Variants in LMO1 observed in about 807,000 individuals in gnomAD.
LMO1 encodes rhombotin-1.
A neutral mutation model predicts 18.0 loss-of-function variants in LMO1; 10 were observed. The ratio of observed to expected loss-of-function variants is 0.55; its 90% CI spans 0.34 to 0.94. The LOEUF is 0.94. Ranked by LOEUF, LMO1 falls within the 40% of genes least tolerant of loss-of-function variation. LMO1 has a pLI of 0.02. For synonymous variants in LMO1, 77 were observed against 77.9 expected (o/e 0.99, Z 0.06); for missense variants, 183 against 205.7 (o/e 0.89, Z 0.68).
At chr11:8,242,400 C>G (rs1180846856) in intron 1 of LMO1, among the ~76,000 whole-genome samples, 1 of 152,212 alleles carries the variant, frequency 6.6e-6, no homozygotes, top group Non-Finnish European at 1.5e-5. Context: ...CTCCCCAGCT[C>G]CCTGCCTGAG....
At chr11:8,261,108 G>A (rs1034418553) in intron 1 of LMO1, among the ~76,000 whole-genome samples, 2 of 152,132 alleles carry the variant, frequency 1.3e-5, no homozygotes, top group South Asian at 2.1e-4. Context: ...CAGAAACGTC[G>A]CTTTTGAAAG....
At chr11:8,258,903 G>T (rs774290858) in intron 1 of LMO1, among the ~76,000 whole-genome samples, 1 of 152,212 alleles carries the variant, frequency 6.6e-6, no homozygotes, top group Non-Finnish European at 1.5e-5. Flanking sequence ...TAGGCGAGCA[G>T]CGGCCAGTGA....
At chr11:8,260,211 G>C (rs1259182176) in intron 1 of LMO1, among the ~76,000 whole-genome samples, 1 of 152,190 alleles carries the variant, frequency 6.6e-6, no homozygotes, top group African/African-American at 2.4e-5. Flanking sequence ...GGGCTCATTT[G>C]ACTTGGGTAG....
upstream of LMO1, among the ~76,000 whole-genome samples, chr11:8,264,089 G>A (rs941293405): frequency 7.9e-5 from 12 of 151,902 alleles, no homozygotes; most frequent in Non-Finnish European, 1.8e-4. Context: ...GTCACTCCCA[G>A]ACCCTCAGCC....
At chr11:8,249,258 G>A (rs1846947215) in intron 1 of LMO1, among the ~76,000 whole-genome samples, 1 of 152,124 alleles carries the variant, frequency 6.6e-6, no homozygotes, top group Admixed American at 6.6e-5. Context: ...GCGAGCTCTG[G>A]ACGAAACTGA....
intron 1 of LMO1, among the ~76,000 whole-genome samples, chr11:8,260,889 G>C (rs1847175169): frequency 6.6e-6 from 1 of 152,100 alleles, no homozygotes; most frequent in Non-Finnish European, 1.5e-5. Flanking sequence ...GGAGCCGGGG[G>C]GTGGGGGAAT....
At chr11:8,227,144 G>A (rs988877993) in intron 2 of LMO1, 44 bp from the exon 3 acceptor site, 3 of 1,586,248 alleles carry the variant, frequency 1.9e-6, no homozygotes, top group South Asian at 1.1e-5. Flanking sequence ...ATTCTGGGAA[G>A]CTGGGTGGGC....
At chr11:8,259,306 G>A (rs1389926811) in intron 1 of LMO1, among the ~76,000 whole-genome samples, 1 of 152,172 alleles carries the variant, frequency 6.6e-6, no homozygotes, top group Non-Finnish European at 1.5e-5. Flanking sequence ...TTCACCCAAG[G>A]CTCGGGTGTG....
chr11:8,266,642 C>T (rs917160546), upstream of LMO1, among the ~76,000 whole-genome samples: 6 of 152,222 alleles, frequency 3.9e-5, no homozygotes, highest in African/African-American at 9.6e-5. Context: ...AATATCTGGG[C>T]AGGTCCCAGC....
intron 1 of LMO1, among the ~76,000 whole-genome samples, chr11:8,242,822 C>A (rs988792663): frequency 6.6e-6 from 1 of 152,230 alleles, no homozygotes; most frequent in Non-Finnish European, 1.5e-5. Flanking sequence ...TGAGCACCAG[C>A]GCGCTGAACC....
chr11:8,262,062 G>T (rs536807867), intron 1 of LMO1, among the ~76,000 whole-genome samples: 2 of 152,270 alleles, frequency 1.3e-5, no homozygotes, highest in South Asian at 4.2e-4. Context: ...CAGCGGCAAT[G>T]CGAACATCCT....
chr11:8,263,758 A>G lies in LMO1; in HGVS notation c.-396T>C. The G allele has an allele frequency of 9.2e-7, 1 of 1,087,410 alleles. No individual in the cohort carries two copies. Among genetic ancestry groups the G allele is most frequent in the Non-Finnish European group, 1.1e-6 (1 of 895,280 alleles). 67.4% of individuals were successfully genotyped at this position (1,087,410 alleles called of 1,614,324 possible). A position where few individuals can be genotyped will look rare whatever the true frequency, so the allele number is the denominator to read the frequency against. On this transcript the variant is annotated 5_prime_UTR_variant, in exon 1 of 4. Transcript: ENST00000335790. ...ATAACCCTGTCTCTGGCAACGACAC[A>G]GCTTTCAGCCTCATAAAGTGTTTTC... is the stretch of plus-strand genomic sequence containing the variant.
intron 1 of LMO1, among the ~76,000 whole-genome samples, chr11:8,261,239 G>A (rs11041833): frequency 0.36 from 55,062 of 152,010 alleles, 10,553 homozygotes; most frequent in Middle Eastern, 0.52. Context: ...TATTGTTTAG[G>A]CTGGACAGGC....
At chr11:8,251,975 TGCGTGTGTGGGGGTGTGC>T (rs1166421902) in intron 1 of LMO1, among the ~76,000 whole-genome samples, 8 of 112,996 alleles carry the variant, frequency 7.1e-5, no homozygotes, top group Admixed American at 1.7e-4. Context: ...TGTGGGGGTG[TGCGTGTGTGGGGGTGTGC>T]GTGTGTGTGT....
At chr11:8,234,052 G>A (rs1034992187) in intron 1 of LMO1, among the ~76,000 whole-genome samples, 1 of 152,156 alleles carries the variant, frequency 6.6e-6, no homozygotes, top group African/African-American at 2.4e-5. Context: ...AGATGCATGC[G>A]CTGGGCCCAG....
chr11:8,266,884 T>C (rs540550406), upstream of LMO1, among the ~76,000 whole-genome samples: 9 of 152,342 alleles, frequency 5.9e-5, no homozygotes, highest in South Asian at 1.0e-3. Flanking sequence ...CAGAGAGGTA[T>C]TGGGGTGACG....
chr11:8,263,384 CGCAGCTAGGCTCG>C lies in LMO1; in HGVS notation c.-35_-23del, dbSNP rs1565190162. On this transcript the variant is annotated 5_prime_UTR_variant, in exon 1 of 4. Coordinates refer to ENST00000335790, the MANE Select transcript of LMO1 (RefSeq NM_002315.3). ...TCATCTCGGGCGCTCCGTGTCCAGCCGCAGCTAGGCTCGGCCGGGAGAAGGGCGCCGACTCGGG... is the reference window on the plus strand; with the variant it reads ...TCATCTCGGGCGCTCCGTGTCCAGCCGCCGGGAGAAGGGCGCCGACTCGGG... 6.2e-7 allele frequency: 1 copy of C among 1,602,048 alleles called. No homozygotes were observed. Among genetic ancestry groups the C allele is most frequent in the East Asian group, 2.3e-5 (1 of 44,296 alleles).
rs1847219766 is a variant in LMO1 at position 8,263,280 on chromosome 11, C to T, written c.25+58G>A. On this transcript the variant is annotated intron_variant, in intron 1 of 3. Transcript: ENST00000335790. ...CCGTGTCCCCGCGTGTGTGTGCCTG[C>T]GCGCCGCGGCAGGGGGCGAGGGGGT... 5 of 1,554,948 alleles carry T rather than the reference C, an allele frequency of 3.2e-6. No homozygotes were observed. The South Asian group carries it at 4.6e-5, about 14-fold the overall frequency.
chr11:8,234,698 C>A (rs1434717538), intron 1 of LMO1, among the ~76,000 whole-genome samples: 2 of 152,186 alleles, frequency 1.3e-5, no homozygotes, highest in Non-Finnish European at 2.9e-5. Flanking sequence ...CATCTGCAGC[C>A]CCTCCCACAA....
Sources: allele counts gnomAD v4.1 joint callset (sites outside exome capture counted in the v4.1 genomes callset), GRCh38; gene constraint gnomAD v4.1.1; transcripts MANE v1.5; gene names NCBI Gene and HGNC (gene_info 2026-07-23, HGNC 2026-07-21).